DRC3: variants seen among roughly 807,000 people sequenced by gnomAD.
The protein encoded by DRC3 is leucine rich repeat containing 48.
In DRC3, 45 loss-of-function variants were observed where a neutral mutation model predicts 57.6. That is an observed-to-expected ratio of 0.78 (90% confidence interval 0.62 to 1.00). The LOEUF is 1.00. Among genes scored for constraint, DRC3 ranks in the 50% least tolerant of loss-of-function variants. DRC3 has a pLI of 0.00. For synonymous variants in DRC3, 257 were observed against 272.3 expected, an observed-to-expected ratio of 0.94 and a Z score of 0.55; for missense variants, 655 against 675.2, an observed-to-expected ratio of 0.97 and a Z score of 0.33.
At chr17:17,992,688 C>G in intron 5 of DRC3, 77 bp from the exon 6 acceptor site, 1 of 1,482,860 alleles carries the variant, frequency 6.7e-7, no homozygotes, top group South Asian at 1.3e-5. Flanking sequence ...TGAAAGAGTA[C>G]TGAGGAGGGA....
intron 6 of DRC3, 46 bp from the exon 7 acceptor site, chr17:17,994,253 C>G: frequency 1.9e-6 from 3 of 1,544,122 alleles, no homozygotes; most frequent in Non-Finnish European, 2.6e-6. Flanking sequence ...GGCGGTGTGG[C>G]TCGGAGGAAC....
At chr17:18,003,479 G>A (rs1462607252) in intron 9 of DRC3, among the ~76,000 whole-genome samples, 2 of 65,708 alleles carry the variant, frequency 3.0e-5, no homozygotes, top group Non-Finnish European at 5.0e-5. Context: ...GTGAGACTAC[G>A]TCTTTAAAAA....
intron 9 of DRC3, among the ~76,000 whole-genome samples, chr17:17,999,268 AT>A: frequency 6.6e-6 from 1 of 152,326 alleles, no homozygotes; most frequent in East Asian, 1.9e-4. Context: ...CGAGCTGACC[AT>A]CCTAGTGCTC....
intron 9 of DRC3, among the ~76,000 whole-genome samples, chr17:17,999,943 C>T (rs552267789): frequency 2.0e-5 from 3 of 151,530 alleles, no homozygotes; most frequent in South Asian, 2.1e-4. Context: ...TGCGTGCACA[C>T]GCGCACATAG....
chr17:18,013,369 C>T (rs550661500), intron 12 of DRC3, among the ~76,000 whole-genome samples: 1 of 152,200 alleles, frequency 6.6e-6, no homozygotes, highest in East Asian at 1.9e-4. Context: ...CAGCACTGTT[C>T]GCAATAACAA....
rs773272777 is a variant in DRC3 at position 18,006,975 on chromosome 17, A to G, written c.1203-49A>G. On this transcript the variant is annotated intron_variant, in intron 11 of 13. Coordinates refer to ENST00000399187, the MANE Select transcript of DRC3 (RefSeq NM_031294.4). ...CTCCCGCCGTCTGAGAGCATCAGGG[A>G]CGCGCCGGGCCTGCTCCTCCCGGGC... is the stretch of plus-strand genomic sequence containing the variant. 1.4e-5 allele frequency: 23 copies of G among 1,604,464 alleles called. No homozygotes were observed. The Admixed American group carries it at 3.9e-4, about 27-fold the overall frequency.
At chr17:18,011,245 C>T in intron 12 of DRC3, 1 of 261,298 alleles carries the variant, frequency 3.8e-6, no homozygotes, top group South Asian at 3.5e-5. Context: ...GCGTGAGCCG[C>T]CACGCCAGGC....
intron 12 of DRC3, among the ~76,000 whole-genome samples, chr17:18,009,180 G>C (rs1020550067): frequency 3.9e-5 from 6 of 152,202 alleles, no homozygotes; most frequent in African/African-American, 1.4e-4. Flanking sequence ...TTGAAAGGCT[G>C]AGGTGGAAGG....
intron 3 of DRC3, among the ~76,000 whole-genome samples, chr17:17,980,029 C>G (rs1401739360): frequency 6.6e-6 from 1 of 151,984 alleles, no homozygotes; most frequent in Non-Finnish European, 1.5e-5. Context: ...CCACCCAGCC[C>G]TGGGAACCCA....
In DRC3 at chr17:18,004,349, T is replaced by C. The variant is rs1340613088; in HGVS notation, c.1000-14T>C. On this transcript the variant is annotated splice_polypyrimidine_tract_variant and intron_variant, in intron 9 of 13. Coordinates refer to ENST00000399187, the MANE Select transcript of DRC3 (RefSeq NM_031294.4). ...TTAGTTGTTGATTCCTAAAGTGCAG[T>C]CTATTGTTTCTAGAGTTTAAGTGCC... The C allele has an allele frequency of 3.1e-6, 5 of 1,593,754 alleles. No homozygotes were observed. Among genetic ancestry groups the C allele is most frequent in the Non-Finnish European group, 4.3e-6 (5 of 1,169,032 alleles).
intron 5 of DRC3, among the ~76,000 whole-genome samples, chr17:17,991,083 G>T (rs1300420805): frequency 6.6e-6 from 1 of 152,188 alleles, no homozygotes; most frequent in African/African-American, 2.4e-5. Flanking sequence ...CACAGGCCTT[G>T]TTCCCCACTG....
At chr17:18,010,946 T>TTTTTGTTG (rs537313149) in intron 12 of DRC3, 7 of 242,996 alleles carry the variant, frequency 2.9e-5, no homozygotes, top group Non-Finnish European at 4.9e-5. Context: ...GAGGTTTTTT[T>TTTTTGTTG]TTTGTTTGTT....
intron 5 of DRC3, among the ~76,000 whole-genome samples, chr17:17,988,757 G>C (rs934649255): frequency 2.0e-5 from 3 of 152,188 alleles, no homozygotes; most frequent in African/African-American, 7.2e-5. Context: ...CCTGGGTTCA[G>C]ATCCCAGCTG....
chr17:17,998,037 C>G (rs2043535941), intron 9 of DRC3, among the ~76,000 whole-genome samples: 1 of 152,206 alleles, frequency 6.6e-6, no homozygotes, highest in Non-Finnish European at 1.5e-5. Flanking sequence ...GAGCTCTACT[C>G]TCTGCCTGAT....
intron 11 of DRC3, 141 bp from the exon 12 acceptor site, chr17:18,006,883 G>A (rs2043972985): frequency 3.6e-6 from 5 of 1,371,770 alleles, no homozygotes; most frequent in South Asian, 1.4e-5. Flanking sequence ...CCCAGGGTTC[G>A]GAGCTTGTGA....
At chr17:17,994,973 C>T in intron 7 of DRC3, 26 bp from the exon 8 acceptor site, 2 of 1,577,150 alleles carry the variant, frequency 1.3e-6, no homozygotes, top group Non-Finnish European at 1.7e-6. Context: ...AGGAGCCGTC[C>T]TACCTACGTG....
At chr17:18,000,388 C>T (rs2043678773) in intron 9 of DRC3, among the ~76,000 whole-genome samples, 1 of 150,992 alleles carries the variant, frequency 6.6e-6, no homozygotes, top group Non-Finnish European at 1.5e-5. Flanking sequence ...GTGTGCATAG[C>T]ATGCCTTGTT....
At chr17:17,983,189 G>A (rs148964863) in intron 3 of DRC3, among the ~76,000 whole-genome samples, 16 of 152,294 alleles carry the variant, frequency 1.1e-4, no homozygotes, top group African/African-American at 3.4e-4. Flanking sequence ...AACCTGCCTC[G>A]TTCTTGCATG....
chr17:17,991,457 A>AC (rs2043226388), intron 5 of DRC3, among the ~76,000 whole-genome samples: 1 of 144,188 alleles, frequency 6.9e-6, no homozygotes, highest in Non-Finnish European at 1.5e-5. Context: ...TGCCCGGCTA[A>AC]TTTTTTTTTT....
Sources: allele counts gnomAD v4.1 joint callset (sites outside exome capture counted in the v4.1 genomes callset), GRCh38; gene constraint gnomAD v4.1.1; transcripts MANE v1.5; gene names NCBI Gene and HGNC (gene_info 2026-07-23, HGNC 2026-07-21).